CDC42BPG: variants seen among roughly 807,000 people sequenced by gnomAD.
The protein encoded by CDC42BPG is CDC42 binding protein kinase gamma.
In CDC42BPG, 157 loss-of-function variants were observed where a neutral mutation model predicts 192.2. That is an observed-to-expected ratio of 0.82 (90% confidence interval 0.72 to 0.93). The LOEUF is 0.93. Ranked by LOEUF, CDC42BPG falls within the 40% of genes least tolerant of loss-of-function variation. The pLI is 0.00. For missense variants in CDC42BPG, 1,992 were observed against 2,122.1 expected, an observed-to-expected ratio of 0.94 and a Z score of 1.20; for synonymous variants, 981 against 918.5, an observed-to-expected ratio of 1.07 and a Z score of -1.23.
At chr11:64,834,080 A>G in intron 20 of CDC42BPG, 103 bp from the exon 21 acceptor site, 1 of 1,511,720 alleles carries the variant, frequency 6.6e-7, no homozygotes, top group Non-Finnish European at 9.2e-7. Flanking sequence ...AAATGACCAC[A>G]GGGTGGGGCA....
chr11:64,826,518 A>G lies in CDC42BPG; in HGVS notation c.4551T>C (p.Ser1517=). 6.2e-7 allele frequency: 1 copy of G among 1,605,588 alleles called. No individual in the cohort carries two copies. Among genetic ancestry groups the G allele is most frequent in the South Asian group, 1.1e-5 (1 of 89,076 alleles). ...TCAGCGATCCCTGGGGGCAGGACAC[A>G]GACTCGCTGGACAGGGATGTCCAGG... is the stretch of plus-strand genomic sequence containing the variant. ...RKPWTSLSSE[S]VSCPQGSLSP... Residue 1517 remains serine, a synonymous_variant, in exon 36 of 37, where the codon TCT becomes TCC. Coordinates refer to ENST00000342711, the MANE Select transcript of CDC42BPG (RefSeq NM_017525.3).
At chr11:64,842,064 C>T (rs1201419039) in intron 1 of CDC42BPG, among the ~76,000 whole-genome samples, 160 bp from the exon 2 acceptor site, 1 of 152,206 alleles carries the variant, frequency 6.6e-6, no homozygotes, top group African/African-American at 2.4e-5. Context: ...AACTGGTGCT[C>T]CTTTGGCCAT....
intron 34 of CDC42BPG, 87 bp from the exon 35 acceptor site, chr11:64,826,881 C>A (rs916424733): frequency 1.6e-5 from 22 of 1,367,152 alleles, no homozygotes; most frequent in Non-Finnish European, 2.1e-5. Flanking sequence ...GACAAATGAA[C>A]GCCACTGGGC....
chr11:64,827,089 G>A lies in CDC42BPG; in HGVS notation c.4350C>T (p.Gly1450=). ...TGGCGCCGGGCCGCCCGTTGGCAGG[G>A]CCCACGTGTACTAGGTGGTTGAAGT... ...PTNFNHLVHV[G]PANGRPGARD... is the part of the protein sequence containing the mutation. The change falls in exon 34 of 37, where the codon GGC becomes GGT. Residue 1450 remains glycine, a synonymous_variant. Coordinates refer to ENST00000342711, the MANE Select transcript of CDC42BPG (RefSeq NM_017525.3). 1.2e-6 allele frequency: 2 copies of A among 1,613,720 alleles called. No individual in the cohort carries two copies. The highest frequency in any genetic ancestry group is 1.7e-6 in the Non-Finnish European group (2 of 1,179,630).
In CDC42BPG at chr11:64,831,695, C is replaced by A; in HGVS notation, c.3114G>T (p.Pro1038=). 1 of 1,603,688 alleles carries A rather than the reference C, an allele frequency of 6.2e-7. No homozygotes were observed. Among genetic ancestry groups the A allele is most frequent in the Non-Finnish European group, 8.5e-7 (1 of 1,177,646 alleles). Residue 1038 remains proline, a synonymous_variant, in exon 28 of 37, where the codon CCG becomes CCT. Coordinates refer to ENST00000342711, the MANE Select transcript of CDC42BPG (RefSeq NM_017525.3). ...FRVTTSQLAV[P]PTTCTVLLLA... ...GCAGCAGCACAGTGCACGTGGTGGGCGGCACTGCCAGCTGGGAGGTTGTCA... is the reference window on the plus strand; with the variant it reads ...GCAGCAGCACAGTGCACGTGGTGGGAGGCACTGCCAGCTGGGAGGTTGTCA...
chr11:64,836,719 GGGGT>G lies in CDC42BPG; in HGVS notation c.1384+16_1384+19del, dbSNP rs773213104. 30 of 842,142 alleles carry G rather than the reference GGGGT, an allele frequency of 3.6e-5. No homozygotes were observed. Among genetic ancestry groups the G allele is most frequent in the African/African-American group, 2.0e-4 (10 of 50,204 alleles). The allele number at this position is 842,142 out of a possible 1,614,324, so 52.2% of individuals were successfully genotyped here. A position where few individuals can be genotyped will look rare whatever the true frequency, so the allele number is the denominator to read the frequency against. ...GGGACTCAGCCCTGGGGGGGGGGGG[GGGGT>G]GGGCGGAAGGGATACCTGGCAGCCT... is the stretch of plus-strand genomic sequence containing the variant. On this transcript the variant is annotated intron_variant, in intron 11 of 36. Transcript: ENST00000342711.
intron 30 of CDC42BPG, 119 bp from the exon 31 acceptor site, chr11:64,827,902 T>A: frequency 1.2e-6 from 1 of 815,838 alleles, no homozygotes; most frequent in South Asian, 1.9e-5. Flanking sequence ...CTCTGAAGAC[T>A]CCCTGTCGCC....
intron 30 of CDC42BPG, 88 bp from the exon 31 acceptor site, chr11:64,827,871 T>C: frequency 1.8e-6 from 2 of 1,117,018 alleles, no homozygotes; most frequent in Non-Finnish European, 1.3e-6. Flanking sequence ...GTAACTACCA[T>C]GCCCCACGCT....
At chr11:64,826,581 A>G in intron 35 of CDC42BPG, 26 bp from the exon 36 acceptor site, 1 of 1,596,344 alleles carries the variant, frequency 6.3e-7, no homozygotes. Flanking sequence ...ACGAGGAGAC[A>G]AAAATACCAA....
chr11:64,832,337 G>A, intron 27 of CDC42BPG, 91 bp downstream of exon 27: 1 of 1,327,680 alleles, frequency 7.5e-7, no homozygotes. Context: ...GCTGGCCCAA[G>A]AGGGCAGTAT....
chr11:64,834,281 C>A lies in CDC42BPG; in HGVS notation c.2398G>T (p.Ala800Ser), dbSNP rs748098435. 1 of 1,575,324 alleles carries A rather than the reference C, an allele frequency of 6.3e-7. No individual in the cohort carries two copies. Among genetic ancestry groups the A allele is most frequent in the Non-Finnish European group, 8.6e-7 (1 of 1,166,264 alleles). ...ELAMLREELR[A>S]RGPVDTKPSN... ...AGCCACTCACCCACTGGCCCTCGGG[C>A]CCGCAGCTCCTCCCGCAGCATGGCG... Residue 800 changes from alanine (A) to serine (S), a missense_variant, in exon 20 of 37, where the codon GCC (alanine) becomes TCC (serine). Ala to Ser is a moderately conservative substitution (Grantham distance 99). Around this residue, in one of 2 missense-constraint regions of CDC42BPG, gnomAD observed 1,656 missense variants for 1,844.3 expected, o/e 0.90. Transcript: ENST00000342711.
chr11:64,837,161 G>C, intron 9 of CDC42BPG, 142 bp from the exon 10 acceptor site: 1 of 711,728 alleles, frequency 1.4e-6, no homozygotes, highest in Non-Finnish European at 2.5e-6. Flanking sequence ...TGGTGCCACG[G>C]GTGGCAGCCC....
rs1177002347 is a variant in CDC42BPG at position 64,827,605 on chromosome 11, G to A, written c.4072C>T (p.Pro1358Ser). ...AACAGGGAGCCCTCTGGATTGAGGG[G>A]CCGCACCTGAGGCAGCAGGCACAGC... ...VQTVPLKKVR[P>S]LNPEGSLFLY... The change falls in exon 32 of 37, where the codon CCC becomes TCC. Residue 1358 changes from proline to serine, a missense_variant. By Grantham distance (74) the Pro-to-Ser change is moderately conservative (BLOSUM62 -1). Transcript: ENST00000342711. 4.4e-6 allele frequency: 7 copies of A among 1,608,324 alleles called. No homozygotes were observed. Among genetic ancestry groups the A allele is most frequent in the Non-Finnish European group, 6.0e-6 (7 of 1,176,042 alleles).
chr11:64,826,718 C>CAGAA lies in CDC42BPG; in HGVS notation c.4465_4466insTTCT (p.Arg1489LeufsTer59). 3 of 1,550,942 alleles carry CAGAA rather than the reference C, an allele frequency of 1.9e-6. No homozygotes were observed. The highest frequency in any genetic ancestry group is 2.6e-6 in the Non-Finnish European group (3 of 1,149,246). On this transcript the variant is annotated frameshift_variant, in exon 35 of 37. Transcript: ENST00000342711. LOFTEE classifies it high-confidence loss of function. ...GCCTTCGCTGCCCATGGAGGCTGGG[C>CAGAA]GCCGCAACGCCTCGGAGAAGCTGTG... is the stretch of plus-strand genomic sequence containing the variant.
intron 34 of CDC42BPG, 97 bp from the exon 35 acceptor site, chr11:64,826,891 C>G: frequency 7.4e-7 from 1 of 1,345,988 alleles, no homozygotes; most frequent in Middle Eastern, 2.7e-4. Flanking sequence ...CGCCACTGGG[C>G]CCCCAGCCTG....
rs997648154 is a variant in CDC42BPG at position 64,843,506 on chromosome 11, G to A, written c.160+904C>T. 7.9e-5 allele frequency among the ~76,000 whole-genome samples: 12 copies of A among 152,212 alleles called. No homozygotes were observed. In the East Asian group the frequency reaches 2.1e-3, roughly 27 times the overall value. ...GTGGCAGCCTCCCCCTCTACCCCAG[G>A]CCTTGTGCCTTCCCAGAGCTCAGGA... On this transcript the variant is annotated intron_variant, in intron 1 of 36. Coordinates refer to ENST00000342711, the MANE Select transcript of CDC42BPG (RefSeq NM_017525.3).
Position 64,836,721 on chromosome 11 carries a change from G to GGGGGGGGGGGGA in CDC42BPG, c.1384+17_1384+18insTCCCCCCCCCCC. The GGGGGGGGGGGGA allele has an allele frequency of 1.2e-6, 1 of 857,202 alleles. No homozygotes were observed. Among genetic ancestry groups the GGGGGGGGGGGGA allele is most frequent in the South Asian group, 1.8e-5 (1 of 56,976 alleles). 53.1% of individuals were successfully genotyped at this position (857,202 alleles called of 1,614,324 possible). ...GACTCAGCCCTGGGGGGGGGGGGGG[G>GGGGGGGGGGGGA]GTGGGCGGAAGGGATACCTGGCAGC... On this transcript the variant is annotated intron_variant, in intron 11 of 36. Transcript: ENST00000342711.
rs759548922 is a variant in CDC42BPG at position 64,835,049 on chromosome 11, G to A, written c.2058C>T (p.Ser686=). The change falls in exon 17 of 37, where the codon AGC becomes AGT. Residue 686 remains serine (S), a splice_region_variant and synonymous_variant. Transcript: ENST00000342711. The part of the protein sequence containing the change: ...NWEAQLADIL[S]WVNDEKVSRG... ...CCCGACCCACCCCTGGCACCCACCAGCTGAGGATGTCGGCGAGCTGGGCCT... is the reference window on the plus strand; with the variant it reads ...CCCGACCCACCCCTGGCACCCACCAACTGAGGATGTCGGCGAGCTGGGCCT... 2.3e-6 allele frequency: 2 copies of A among 886,394 alleles called. No homozygotes were observed. The highest frequency in any genetic ancestry group is 5.3e-5 in the East Asian group (1 of 18,760). The allele number at this position is 886,394 out of a possible 1,614,324, so 54.9% of individuals were successfully genotyped here.
Position 64,829,558 on chromosome 11 carries a change from A to C in CDC42BPG, c.3880T>G (p.Phe1294Val), listed in dbSNP as rs1456115636. 3 of 1,612,768 alleles carry C rather than the reference A, an allele frequency of 1.9e-6. No individual in the cohort carries two copies. The South Asian group carries it at 3.3e-5, about 18-fold the overall frequency. ...TCCACGTAGATGCCAGCAGTGGTGA[A>C]GAGTAGCAGGAACTCGCTGAGGCTA... is the stretch of plus-strand genomic sequence containing the variant. ...ELSLSEFLLLFTTAGIYVDGA... is the reference protein window; with the variant it reads ...ELSLSEFLLLVTTAGIYVDGA... Residue 1294 changes from phenylalanine (F) to valine (V), a missense_variant, in exon 30 of 37, where the codon TTC (phenylalanine) becomes GTC (valine). Around this residue, in one of 2 missense-constraint regions of CDC42BPG, gnomAD observed 1,656 missense variants for 1,844.3 expected, o/e 0.90. Coordinates refer to ENST00000342711, the MANE Select transcript of CDC42BPG (RefSeq NM_017525.3).
Sources: gnomAD v4.1 joint callset for allele counts (sites outside exome capture counted in the v4.1 genomes callset) on GRCh38, gnomAD v4.1.1 for gene constraint, gnomAD v4.1.1 regional missense constraint, MANE v1.5 for transcripts, NCBI Gene and HGNC (gene_info 2026-07-23, HGNC 2026-07-21) for gene names.